ABHD12: variants seen among roughly 807,000 people sequenced by gnomAD.
The protein encoded by ABHD12 is abhydrolase domain containing 12, lysophospholipase.
ABHD12 carries 43 observed loss-of-function variants against 58.3 expected under a neutral mutation model. The observed-to-expected ratio is 0.74, with a 90% confidence interval of 0.58 to 0.95. The LOEUF is 0.95. Ranked by LOEUF, ABHD12 falls within the 40% of genes least tolerant of loss-of-function variation. ABHD12 has a pLI of 0.00. For missense variants in ABHD12, 539 were observed against 537.2 expected, an observed-to-expected ratio of 1.00 and a Z score of -0.03; for synonymous variants, 219 against 211.2, an observed-to-expected ratio of 1.04 and a Z score of -0.32.
intron 2 of ABHD12, among the ~76,000 whole-genome samples, chr20:25,324,484 T>C (rs2089139186): frequency 6.6e-6 from 1 of 152,224 alleles, no homozygotes; most frequent in Non-Finnish European, 1.5e-5. Context: ...GGGATTTGCC[T>C]GCTTTATAAA....
At chr20:25,303,332 C>T (rs2088672260) in intron 11 of ABHD12, 1 of 1,449,534 alleles carries the variant, frequency 6.9e-7, no homozygotes, top group Non-Finnish European at 9.1e-7. Flanking sequence ...TGGGCCCCTG[C>T]CCCAACCTTT....
intron 1 of ABHD12, among the ~76,000 whole-genome samples, chr20:25,379,856 T>C (rs2090001977): frequency 6.6e-6 from 1 of 152,050 alleles, no homozygotes; most frequent in Admixed American, 6.5e-5. Context: ...GCCTGGCTAA[T>C]TCTTTTTTTT....
downstream of ABHD12, among the ~76,000 whole-genome samples, chr20:25,299,100 TAA>T (rs2088594758): frequency 6.6e-6 from 1 of 152,152 alleles, no homozygotes; most frequent in South Asian, 2.1e-4. Flanking sequence ...CTCAGTTTTG[TAA>T]AAAAGACACT....
chr20:25,339,449 CAT>C (rs1002141708), intron 1 of ABHD12, 98 bp from the exon 2 acceptor site: 3 of 1,575,780 alleles, frequency 1.9e-6, no homozygotes, highest in African/African-American at 2.7e-5. Flanking sequence ...AAGAGCCACA[CAT>C]ATTTTTTTTT....
At chr20:25,304,633 T>C (rs775634430) in intron 10 of ABHD12, among the ~76,000 whole-genome samples, 14 of 152,226 alleles carry the variant, frequency 9.2e-5, no homozygotes, top group Non-Finnish European at 1.8e-4. Flanking sequence ...AGTGGTGCGA[T>C]CTCAGCTCAC....
At chr20:25,386,194 C>T (rs1431960390) in intron 1 of ABHD12, among the ~76,000 whole-genome samples, 3 of 151,476 alleles carry the variant, frequency 2.0e-5, no homozygotes, top group African/African-American at 7.3e-5. Context: ...ACTAAAACAA[C>T]TTGATAAAGG....
At chr20:25,359,378 T>A (rs1198675578) in intron 1 of ABHD12, among the ~76,000 whole-genome samples, 4 of 136,008 alleles carry the variant, frequency 2.9e-5, no homozygotes, top group African/African-American at 1.1e-4. Flanking sequence ...GAGCCGAGAT[T>A]GCGCCACTGC....
At chr20:25,320,103 T>C (rs2089037876) in intron 4 of ABHD12, 96 bp downstream of exon 4, 1 of 1,560,760 alleles carries the variant, frequency 6.4e-7, no homozygotes, top group African/African-American at 1.4e-5. Flanking sequence ...GGACCGCAGG[T>C]TGCTCCTGCT....
At chr20:25,366,407 C>T (rs1452321057) in intron 1 of ABHD12, among the ~76,000 whole-genome samples, 3 of 152,100 alleles carry the variant, frequency 2.0e-5, no homozygotes, top group Non-Finnish European at 4.4e-5. Flanking sequence ...GCTAGGATTA[C>T]AGGCATGTGC....
intron 2 of ABHD12, among the ~76,000 whole-genome samples, chr20:25,329,041 C>T (rs2089223165): frequency 1.3e-5 from 2 of 152,354 alleles, no homozygotes; most frequent in African/African-American, 4.8e-5. Flanking sequence ...GGGCCAGAAG[C>T]ACTGCTGGCT....
chr20:25,356,042 A>G (rs1408644815), intron 1 of ABHD12, among the ~76,000 whole-genome samples: 1 of 152,218 alleles, frequency 6.6e-6, no homozygotes, highest in Non-Finnish European at 1.5e-5. Context: ...TCTAACAACC[A>G]GGGGAGCCCA....
chr20:25,383,718 G>A lies in ABHD12; in HGVS notation c.191+6795C>T, dbSNP rs576316613. Among the ~76,000 whole-genome samples the A allele has an allele frequency of 2.8e-4, 43 of 152,182 alleles. 1 individual carries two copies. The South Asian group carries it at 7.9e-3, about 28-fold the overall frequency. On this transcript the variant is annotated intron_variant, in intron 1 of 12. Coordinates refer to ENST00000339157, the MANE Select transcript of ABHD12 (RefSeq NM_001042472.3). ...CCCCTGTAATCCCAGTACTTTGGGA[G>A]GCCAAGGTGGGCGGATCATGAGGTC...
intron 2 of ABHD12, among the ~76,000 whole-genome samples, chr20:25,335,978 C>A (rs920686250): frequency 2.0e-4 from 29 of 147,380 alleles, no homozygotes; most frequent in Admixed American, 8.7e-4. Context: ...AAAAAAAAAA[C>A]AAAAAACAAA....
intron 1 of ABHD12, among the ~76,000 whole-genome samples, chr20:25,348,338 T>C (rs1016555043): frequency 2.0e-5 from 3 of 149,460 alleles, no homozygotes; most frequent in African/African-American, 7.4e-5. Flanking sequence ...AAATCAGGGA[T>C]CAAAAAGGTC....
At chr20:25,339,414 A>T in intron 1 of ABHD12, 63 bp from the exon 2 acceptor site, 1 of 1,611,430 alleles carries the variant, frequency 6.2e-7, no homozygotes, top group Non-Finnish European at 8.5e-7. Context: ...GTAGTTTGTT[A>T]ATAGTGTTAT....
At chr20:25,360,373 TG>T (rs1441253345) in intron 1 of ABHD12, among the ~76,000 whole-genome samples, 1 of 151,108 alleles carries the variant, frequency 6.6e-6, no homozygotes, top group East Asian at 2.0e-4. Flanking sequence ...CCCAAGTAGC[TG>T]GGATTACAGG....
Position 25,314,947 on chromosome 20 carries a change from A to G in ABHD12, c.597T>C (p.His199=). 1 of 1,614,238 alleles carries G rather than the reference A, an allele frequency of 6.2e-7. No individual in the cohort carries two copies. Among genetic ancestry groups the G allele is most frequent in the Non-Finnish European group, 8.5e-7 (1 of 1,180,042 alleles). ...CACCTCTGTAGTCAAAGGTGACCAC[A>G]TGGTAACCAAGGGAACTCAGCACCT... ...LYKVLSSLGY[H]VVTFDYRGWG... The change falls in exon 6 of 13, where the codon CAT becomes CAC. Residue 199 remains histidine, a synonymous_variant. Coordinates refer to ENST00000339157, the MANE Select transcript of ABHD12 (RefSeq NM_001042472.3).
intron 1 of ABHD12, among the ~76,000 whole-genome samples, chr20:25,348,799 A>G (rs1262697606): frequency 6.6e-6 from 1 of 152,138 alleles, no homozygotes; most frequent in Non-Finnish European, 1.5e-5. Context: ...ACAAATAGAT[A>G]TTGGCGGTTG....
intron 2 of ABHD12, among the ~76,000 whole-genome samples, chr20:25,335,820 G>C (rs1322726883): frequency 1.8e-5 from 2 of 109,948 alleles, no homozygotes; most frequent in East Asian, 6.7e-4. Context: ...GGTGGGGGGA[G>C]GGGGGAGGGA....
Sources: allele counts gnomAD v4.1 joint callset (sites outside exome capture counted in the v4.1 genomes callset), GRCh38; gene constraint gnomAD v4.1.1; transcripts MANE v1.5; gene names NCBI Gene and HGNC (gene_info 2026-07-23, HGNC 2026-07-21).